Variants in ZFHX3 observed in about 807,000 individuals in gnomAD.
ZFHX3 encodes zinc finger homeobox protein 3.
In ZFHX3, 42 loss-of-function variants were observed where a neutral mutation model predicts 279.1. The observed-to-expected ratio is 0.15, with a 90% CI of 0.12 to 0.19. The LOEUF (loss-of-function observed/expected upper bound fraction) is 0.19, where lower values mean the gene tolerates loss of function less well. Ranked by LOEUF, ZFHX3 falls within the 10% of genes least tolerant of loss-of-function variation. ZFHX3 has a pLI of 1.00. For missense variants in ZFHX3, 4,981 were observed against 4,754.0 expected (o/e 1.05, Z -1.40); for synonymous variants, 2,293 against 1,957.8 (o/e 1.17, Z -4.52).
At chr16:73,321,638 C>T (rs1457302268) in intron 3 of ZFHX3, among the ~76,000 whole-genome samples, 2 of 152,208 alleles carry the variant, frequency 1.3e-5, no homozygotes, top group African/African-American at 2.4e-5. Flanking sequence ...GCAGCTTGGA[C>T]ATATTTATTC....
intron 1 of ZFHX3, among the ~76,000 whole-genome samples, chr16:73,801,282 A>G (rs1960138700): frequency 1.3e-5 from 2 of 152,194 alleles, no homozygotes; most frequent in Non-Finnish European, 2.9e-5. Flanking sequence ...AACCAGTTCA[A>G]TACAATTCTA....
chr16:73,014,515 C>CTTTTTTTTTTTTTTTTTTTTTTTTTT (rs1567633191), intron 1 of ZFHX3: 1 of 95,344 alleles, frequency 1.0e-5, no homozygotes. Context: ...GTAATTTCTT[C>CTTTTTTTTTTTTTTTTTTTTTTTTTT]TTCTTTTTTT....
At chr16:72,811,370 A>C (rs1202450657) in intron 7 of ZFHX3, among the ~76,000 whole-genome samples, 1 of 152,214 alleles carries the variant, frequency 6.6e-6, no homozygotes, top group East Asian at 1.9e-4. Flanking sequence ...AGGGAGGTTG[A>C]GAAACACATG....
chr16:72,912,658 T>A (rs999720345), intron 3 of ZFHX3, among the ~76,000 whole-genome samples: 1 of 152,070 alleles, frequency 6.6e-6, no homozygotes, highest in African/African-American at 2.4e-5. Context: ...TAGGAGCGAA[T>A]GGGGAGCAGG....
chr16:73,017,871 T>G (rs1486531416), intron 1 of ZFHX3, among the ~76,000 whole-genome samples: 1 of 152,234 alleles, frequency 6.6e-6, no homozygotes, highest in Non-Finnish European at 1.5e-5. Flanking sequence ...TCCCTACCTC[T>G]GCAGATGCTC....
intron 3 of ZFHX3, among the ~76,000 whole-genome samples, chr16:73,321,127 C>T (rs1016577382): frequency 6.6e-6 from 1 of 152,218 alleles, no homozygotes; most frequent in Non-Finnish European, 1.5e-5. Context: ...AAGCCAACCA[C>T]ACTCATAAAT....
intron 2 of ZFHX3, among the ~76,000 whole-genome samples, chr16:73,462,351 T>C (rs1002144905): frequency 6.6e-6 from 1 of 152,178 alleles, no homozygotes; most frequent in Non-Finnish European, 1.5e-5. Context: ...CAATTATGTA[T>C]TTTGCAAATA....
intron 3 of ZFHX3, among the ~76,000 whole-genome samples, chr16:73,439,403 G>C (rs2018048250): frequency 6.6e-6 from 1 of 152,012 alleles, no homozygotes; most frequent in Non-Finnish European, 1.5e-5. Flanking sequence ...TTCATCTTGA[G>C]ATGAAGTGCG....
At chr16:72,792,674 T>C (rs914607486) in intron 9 of ZFHX3, among the ~76,000 whole-genome samples, 6 of 152,104 alleles carry the variant, frequency 3.9e-5, no homozygotes, top group African/African-American at 1.4e-4. Context: ...CTGGTCTCGA[T>C]TTCCTGACCT....
intron 1 of ZFHX3, among the ~76,000 whole-genome samples, chr16:73,716,753 A>G (rs2142233253): frequency 6.6e-6 from 1 of 152,016 alleles, no homozygotes; most frequent in South Asian, 2.1e-4. Context: ...TGTCTTCTGC[A>G]TTTGTTCGGC....
At chr16:73,083,872 C>A (rs573323400) in intron 8 of ZFHX3, among the ~76,000 whole-genome samples, 1 of 152,120 alleles carries the variant, frequency 6.6e-6, no homozygotes, top group Non-Finnish European at 1.5e-5. Context: ...TCCACAGATA[C>A]CCCAGAACAT....
chr16:73,027,990 C>T (rs1487568630), intron 1 of ZFHX3, among the ~76,000 whole-genome samples: 1 of 152,120 alleles, frequency 6.6e-6, no homozygotes, highest in Admixed American at 6.5e-5. Flanking sequence ...AGCACAGACG[C>T]CTCCCAGAGT....
intron 3 of ZFHX3, among the ~76,000 whole-genome samples, chr16:73,332,540 C>T (rs567783566): frequency 6.6e-6 from 1 of 152,250 alleles, no homozygotes; most frequent in Admixed American, 6.5e-5. Context: ...TTTCTTTTTG[C>T]CTCTTTTAAT....
intron 1 of ZFHX3, among the ~76,000 whole-genome samples, chr16:73,723,579 C>T (rs930901750): frequency 1.3e-5 from 2 of 152,074 alleles, no homozygotes; most frequent in African/African-American, 4.8e-5. Flanking sequence ...GAAGGATATA[C>T]ACCAAAATGT....
At chr16:73,881,451 ACACT>A (rs1309645084) in intron 1 of ZFHX3, among the ~76,000 whole-genome samples, 466 of 79,730 alleles carry the variant, frequency 5.8e-3, no homozygotes, top group Non-Finnish European at 7.1e-3. Flanking sequence ...ACACACACAC[ACACT>A]CTCTCTCTCT....
chr16:73,723,051 C>T (rs547854042), intron 1 of ZFHX3, among the ~76,000 whole-genome samples: 6 of 152,266 alleles, frequency 3.9e-5, no homozygotes, highest in East Asian at 1.9e-4. Flanking sequence ...TTCTCCTTTC[C>T]ATTAATGAGA....
At position 73,172,660 on chromosome 16, in the gene ZFHX3, G is replaced by A. The variant is rs1327472382; in HGVS notation, c.-1103-28829C>T. Among the ~76,000 whole-genome samples the A allele has an allele frequency of 2.0e-5, 3 of 152,302 alleles. No individual in the cohort carries two copies. The East Asian group carries it at 5.8e-4, about 29-fold the overall frequency. ...GCCGGTTTTTTGAGAGAGAGAAAGA[G>A]ACAGAGAAAGAGGTTTCTGTAAGTA... On this transcript the variant is annotated intron_variant, in intron 5 of 17. Transcript: ENST00000641206.
chr16:73,594,141 TGAAATTAGAATTAATAGGAGAGTTTGG>T (rs2052025951), intron 2 of ZFHX3, among the ~76,000 whole-genome samples: 1 of 152,112 alleles, frequency 6.6e-6, no homozygotes, highest in Admixed American at 6.6e-5. Flanking sequence ...AAATCTAAAT[TGAAATTAGAATTAATAGGAGAGTTTGG>T]CAATATACTA....
chr16:73,304,453 A>T (rs1360002029), intron 4 of ZFHX3, among the ~76,000 whole-genome samples: 3 of 152,140 alleles, frequency 2.0e-5, no homozygotes, highest in Non-Finnish European at 4.4e-5. Context: ...ATGCGCAGAG[A>T]GGCAGGGTTG....
Sources: allele counts gnomAD v4.1 joint callset (sites outside exome capture counted in the v4.1 genomes callset), GRCh38; gene constraint gnomAD v4.1.1; transcripts MANE v1.5; gene names NCBI Gene and HGNC (gene_info 2026-07-23, HGNC 2026-07-21).